The following PTPRD variants were observed in gnomAD, a reference collection of about 807,000 sequenced individuals.
PTPRD encodes the protein protein tyrosine phosphatase receptor type D.
In PTPRD, 34 loss-of-function variants were observed where a neutral mutation model predicts 214.5. That is an observed-to-expected ratio of 0.16 (90% CI 0.12 to 0.21). The LOEUF (loss-of-function observed/expected upper bound fraction) is 0.21, where lower values mean the gene tolerates loss of function less well. Among genes scored for constraint, PTPRD ranks in the 10% least tolerant of loss-of-function variants. The probability of loss-of-function intolerance (pLI) is 1.00; values close to 1 mark genes in which losing one functional copy is unlikely to be tolerated. For synonymous variants in PTPRD, 1,128 were observed against 845.7 expected (o/e 1.33, Z -5.79); for missense variants, 2,545 against 2,398.7 (o/e 1.06, Z -1.27).
intron 33 of PTPRD, among the ~76,000 whole-genome samples, chr9:8,458,303 G>C (rs1028224657): frequency 4.6e-5 from 7 of 151,822 alleles, no homozygotes; most frequent in African/African-American, 1.7e-4. Context: ...AAATTATTAG[G>C]GCTATAATCA....
chr9:8,536,394 T>C (rs992831089), intron 14 of PTPRD, among the ~76,000 whole-genome samples: 12 of 151,940 alleles, frequency 7.9e-5, no homozygotes, highest in African/African-American at 2.9e-4. Flanking sequence ...AAAATCCACA[T>C]ATATATACAT....
intron 11 of PTPRD, among the ~76,000 whole-genome samples, chr9:8,934,494 A>AAATATAT (rs2098981346): frequency 1.3e-4 from 1 of 7,434 alleles, no homozygotes; most frequent in Non-Finnish European, 2.6e-4. Context: ...TATATATATA[A>AAATATAT]ATATATATAT....
At chr9:9,704,969 G>A (rs1449654344) in intron 7 of PTPRD, among the ~76,000 whole-genome samples, 2 of 152,172 alleles carry the variant, frequency 1.3e-5, no homozygotes, top group African/African-American at 2.4e-5. Flanking sequence ...ACTGTTTTAA[G>A]CCACTAAATT....
intron 2 of PTPRD, among the ~76,000 whole-genome samples, chr9:10,560,398 G>C (rs2063636660): frequency 6.6e-6 from 1 of 151,874 alleles, no homozygotes; most frequent in Admixed American, 6.6e-5. Context: ...TCACACTCTG[G>C]GGACAGTTGT....
At chr9:10,215,278 GAA>G (rs1005128005) in intron 3 of PTPRD, among the ~76,000 whole-genome samples, 1 of 143,234 alleles carries the variant, frequency 7.0e-6, no homozygotes, top group Non-Finnish European at 1.5e-5. Flanking sequence ...TGGATTTGGA[GAA>G]AAAAAAAAGC....
At chr9:9,999,992 A>C (rs911162039) in intron 4 of PTPRD, among the ~76,000 whole-genome samples, 10 of 152,158 alleles carry the variant, frequency 6.6e-5, no homozygotes, top group African/African-American at 2.2e-4. Flanking sequence ...GGGTCTGTGA[A>C]AGTCATGAAA....
intron 5 of PTPRD, among the ~76,000 whole-genome samples, chr9:9,935,621 C>G (rs201032049): frequency 0.11 from 16,155 of 146,262 alleles, 3,247 homozygotes; most frequent in African/African-American, 0.42. Flanking sequence ...TGGGTAGGAA[C>G]AATCAATATC....
chr9:9,752,416 G>T (rs927879664), intron 6 of PTPRD, among the ~76,000 whole-genome samples: 1 of 151,966 alleles, frequency 6.6e-6, no homozygotes, highest in Non-Finnish European at 1.5e-5. Context: ...ACCCATAGAG[G>T]TTATAATGAA....
intron 34 of PTPRD, among the ~76,000 whole-genome samples, chr9:8,446,603 GGT>G (rs1400133997): frequency 6.6e-6 from 1 of 152,112 alleles, no homozygotes; most frequent in Non-Finnish European, 1.5e-5. Flanking sequence ...TTGAACAGAA[GGT>G]GTGGATTACT....
intron 3 of PTPRD, among the ~76,000 whole-genome samples, chr9:10,267,509 C>T (rs886745424): frequency 6.6e-6 from 1 of 151,972 alleles, no homozygotes; most frequent in Non-Finnish European, 1.5e-5. Flanking sequence ...ATGATTGACA[C>T]CTACTAGCAA....
At chr9:9,075,656 C>T (rs146935263) in intron 10 of PTPRD, among the ~76,000 whole-genome samples, 199 of 152,110 alleles carry the variant, frequency 1.3e-3, no homozygotes, top group African/African-American at 4.6e-3. Flanking sequence ...TGAGAACATG[C>T]GGTGTTTGCT....
chr9:10,325,666 A>G (rs116929691), intron 3 of PTPRD, among the ~76,000 whole-genome samples: 3 of 151,904 alleles, frequency 2.0e-5, no homozygotes, highest in Admixed American at 1.3e-4. Flanking sequence ...TGAACATACC[A>G]AACAATAGCT....
intron 14 of PTPRD, among the ~76,000 whole-genome samples, chr9:8,538,680 CATATATAT>C (rs58807560): frequency 1.3e-5 from 2 of 150,954 alleles, no homozygotes; most frequent in Non-Finnish European, 3.0e-5. Flanking sequence ...TATATGTATA[CATATATAT>C]ATGACTTGTA....
chr9:9,546,852 T>C (rs1028785742), intron 8 of PTPRD, among the ~76,000 whole-genome samples: 4 of 151,838 alleles, frequency 2.6e-5, no homozygotes, highest in African/African-American at 4.8e-5. Flanking sequence ...TACCAAACAG[T>C]GTTCCTCACT....
intron 3 of PTPRD, among the ~76,000 whole-genome samples, chr9:10,252,005 G>T (rs1213767232): frequency 1.3e-5 from 2 of 152,154 alleles, no homozygotes; most frequent in Non-Finnish European, 2.9e-5. Flanking sequence ...ACAAAAAATA[G>T]TAAGTGTGTG....
At chr9:8,864,098 T>C (rs2098153874) in intron 11 of PTPRD, among the ~76,000 whole-genome samples, 1 of 152,196 alleles carries the variant, frequency 6.6e-6, no homozygotes. Flanking sequence ...ACAATGGAAA[T>C]GAATCACAGA....
At chr9:9,949,332 G>C (rs2093182512) in intron 4 of PTPRD, among the ~76,000 whole-genome samples, 1 of 151,954 alleles carries the variant, frequency 6.6e-6, no homozygotes. Context: ...AACATTATAA[G>C]ACTTAAAAAT....
intron 5 of PTPRD, among the ~76,000 whole-genome samples, chr9:9,798,053 T>C (rs866028965): frequency 2.0e-5 from 3 of 152,030 alleles, no homozygotes; most frequent in South Asian, 2.1e-4. Flanking sequence ...CCTCACAGAA[T>C]AGCCACCAGG....
At chr9:9,652,007 G>GT (rs1445044246) in intron 7 of PTPRD, among the ~76,000 whole-genome samples, 4 of 150,704 alleles carry the variant, frequency 2.7e-5, no homozygotes, top group Non-Finnish European at 5.9e-5. Flanking sequence ...GCTAATTTTT[G>GT]TTTTTTTGTA....
Sources: gnomAD v4.1 joint callset for allele counts (sites outside exome capture counted in the v4.1 genomes callset) on GRCh38, gnomAD v4.1.1 for gene constraint, MANE v1.5 for transcripts, NCBI Gene and HGNC (gene_info 2026-07-23, HGNC 2026-07-21) for gene names.